PKP4: variants seen among roughly 807,000 people sequenced by gnomAD.
The protein encoded by PKP4 is plakophilin 4.
PKP4 carries 90 observed loss-of-function variants against 145.1 expected under a neutral mutation model. That is an observed-to-expected ratio of 0.62 (90% confidence interval 0.52 to 0.74). PKP4 has a LOEUF of 0.74. Ranked by LOEUF, PKP4 falls within the 30% of genes least tolerant of loss-of-function variation. The pLI is 0.00. For missense variants in PKP4, 1,340 were observed against 1,482.7 expected (o/e 0.90, Z 1.58); for synonymous variants, 563 against 577.2 (o/e 0.98, Z 0.35).
rs535359481 is a variant in PKP4, at chr2:158,621,277, C to T, written c.459C>T (p.Ser153=). 2.0e-5 allele frequency: 32 copies of T among 1,614,064 alleles called. No homozygotes were observed. The highest frequency in any genetic ancestry group is 3.3e-4 in the Middle Eastern group (2 of 6,060). The part of the protein sequence containing the change: ...SRSSTQMNSY[S]DSGYQEAGSF... Reference sequence around the variant, plus strand: ...GTTCAACACAAATGAATTCTTATTCCGACAGTGGATACCAGGAAGCAGGGA... The same window carrying T: ...GTTCAACACAAATGAATTCTTATTCTGACAGTGGATACCAGGAAGCAGGGA... Residue 153 remains serine, a synonymous_variant, in exon 6 of 22, where the codon TCC becomes TCT. Transcript: ENST00000389759.
intron 1 of PKP4, among the ~76,000 whole-genome samples, chr2:158,487,811 G>A (rs1229345828): frequency 6.6e-6 from 1 of 151,944 alleles, no homozygotes; most frequent in Non-Finnish European, 1.5e-5. Flanking sequence ...AGAAGGGGGA[G>A]GGAGGGAGGA....
intron 1 of PKP4, among the ~76,000 whole-genome samples, chr2:158,509,440 A>G (rs2041300404): frequency 6.6e-6 from 1 of 152,218 alleles, no homozygotes; most frequent in Non-Finnish European, 1.5e-5. Flanking sequence ...GAGGAAATGA[A>G]ACAATCCAGT....
At chr2:158,523,231 G>T (rs1459756813) in intron 1 of PKP4, among the ~76,000 whole-genome samples, 4 of 150,018 alleles carry the variant, frequency 2.7e-5, no homozygotes, top group East Asian at 2.0e-4. Context: ...AAATGTCCCT[G>T]TCTGACAGCT....
chr2:158,624,622 A>T (rs1401446032), intron 6 of PKP4, among the ~76,000 whole-genome samples: 1 of 151,360 alleles, frequency 6.6e-6, no homozygotes, highest in Non-Finnish European at 1.5e-5. Context: ...GGAGTATTAA[A>T]TGTCTTCAGA....
chr2:158,561,508 G>A (rs1181750767), intron 2 of PKP4, among the ~76,000 whole-genome samples: 1 of 152,204 alleles, frequency 6.6e-6, no homozygotes, highest in Non-Finnish European at 1.5e-5. Flanking sequence ...TATGTTCACT[G>A]ACTTTCTAGG....
chr2:158,644,276 A>T (rs1162993508), intron 11 of PKP4, among the ~76,000 whole-genome samples: 1 of 152,162 alleles, frequency 6.6e-6, no homozygotes, highest in East Asian at 1.9e-4. Flanking sequence ...GAAAAGGAAG[A>T]GTGGGGTGGA....
chr2:158,535,870 C>T (rs966750079), intron 2 of PKP4, among the ~76,000 whole-genome samples: 1 of 152,138 alleles, frequency 6.6e-6, no homozygotes, highest in Non-Finnish European at 1.5e-5. Flanking sequence ...ATCAATGCAA[C>T]TGGGTACATA....
intron 9 of PKP4, among the ~76,000 whole-genome samples, chr2:158,637,681 G>T (rs1328976590): frequency 1.3e-5 from 2 of 152,154 alleles, no homozygotes; most frequent in African/African-American, 4.8e-5. Context: ...TTCTTGTGTT[G>T]CCTGTTTTCG....
At chr2:158,651,151 C>T (rs990888497) in intron 11 of PKP4, among the ~76,000 whole-genome samples, 5 of 152,282 alleles carry the variant, frequency 3.3e-5, no homozygotes, top group Non-Finnish European at 7.4e-5. Flanking sequence ...ACTTAGATTT[C>T]GTAATTTGTT....
At chr2:158,466,309 C>T (rs1041002798) in intron 1 of PKP4, among the ~76,000 whole-genome samples, 3 of 152,152 alleles carry the variant, frequency 2.0e-5, no homozygotes, top group African/African-American at 7.2e-5. Flanking sequence ...ATTTATCCTG[C>T]ATGTTTCAAA....
At chr2:158,521,364 G>A (rs1045447420) in intron 1 of PKP4, among the ~76,000 whole-genome samples, 3 of 151,992 alleles carry the variant, frequency 2.0e-5, no homozygotes, top group Non-Finnish European at 2.9e-5. Flanking sequence ...TCTCCTCTTC[G>A]TACAAACCTT....
intron 1 of PKP4, among the ~76,000 whole-genome samples, chr2:158,466,135 G>A (rs1021758946): frequency 1.3e-5 from 2 of 152,128 alleles, no homozygotes; most frequent in Non-Finnish European, 2.9e-5. Flanking sequence ...TCTTTCTACA[G>A]GACTTAAATC....
chr2:158,511,612 C>T (rs2041527398), intron 1 of PKP4, among the ~76,000 whole-genome samples: 2 of 152,064 alleles, frequency 1.3e-5, no homozygotes. Flanking sequence ...AATTAACTGT[C>T]ACCTGACTTA....
intron 11 of PKP4, among the ~76,000 whole-genome samples, chr2:158,656,402 T>C (rs1465475031): frequency 6.6e-6 from 1 of 152,152 alleles, no homozygotes; most frequent in East Asian, 1.9e-4. Context: ...AAGATAATTA[T>C]ATAAGCAAAG....
At chr2:158,466,496 AGACCAGCCTGG>A (rs1408518727) in intron 1 of PKP4, among the ~76,000 whole-genome samples, 2 of 152,020 alleles carry the variant, frequency 1.3e-5, no homozygotes, top group African/African-American at 4.8e-5. Flanking sequence ...TAGGAGTTCA[AGACCAGCCTGG>A]ACAACATGGT....
In PKP4 at chr2:158,673,976, C is replaced by G; in HGVS notation, c.3103C>G (p.Gln1035Glu). 6.2e-7 allele frequency: 1 copy of G among 1,601,616 alleles called. No homozygotes were observed. The highest frequency in any genetic ancestry group is 8.6e-7 in the Non-Finnish European group (1 of 1,168,482). Residue 1035 changes from glutamine to glutamate, a missense_variant, in exon 19 of 22, where the codon CAG becomes GAG. By Grantham distance (29) the Gln-to-Glu change is conservative. Coordinates refer to ENST00000389759, the MANE Select transcript of PKP4 (RefSeq NM_003628.6). ...TCCTTCCTTGTCTACCACCAACCAA[C>G]AGATGTCACCCATCATTCAGTCAGG... ...SHPSLSTTNQ[Q>E]MSPIIQSVGS... is the part of the protein sequence containing the mutation.
chr2:158,640,586 A>T (rs561010621), intron 9 of PKP4, 41 bp from the exon 10 acceptor site: 9 of 1,608,220 alleles, frequency 5.6e-6, no homozygotes, highest in South Asian at 3.3e-5. Context: ...TATTTTTACA[A>T]CATGGGCCTT....
chr2:158,529,336 G>A (rs534737743), intron 1 of PKP4, among the ~76,000 whole-genome samples: 3 of 152,168 alleles, frequency 2.0e-5, no homozygotes, highest in Non-Finnish European at 4.4e-5. Context: ...GTCAACATTG[G>A]ATTTCTCTTC....
intron 2 of PKP4, among the ~76,000 whole-genome samples, chr2:158,545,506 G>A (rs937638009): frequency 6.6e-6 from 1 of 152,158 alleles, no homozygotes; most frequent in Non-Finnish European, 1.5e-5. Context: ...ATAGCTATTA[G>A]GGAGTCTAAG....
Sources: allele counts gnomAD v4.1 joint callset (sites outside exome capture counted in the v4.1 genomes callset), GRCh38; gene constraint gnomAD v4.1.1; transcripts MANE v1.5; gene names NCBI Gene and HGNC (gene_info 2026-07-23, HGNC 2026-07-21).